The following IMPG2 variants were observed in gnomAD, a reference collection of about 807,000 sequenced individuals.
IMPG2 encodes interphotoreceptor matrix proteoglycan 2.
In IMPG2, 91 loss-of-function variants were observed where a neutral mutation model predicts 129.2. The observed-to-expected ratio is 0.70, with a 90% CI of 0.59 to 0.84. The LOEUF (loss-of-function observed/expected upper bound fraction) is 0.84. Among genes scored for constraint, IMPG2 ranks in the 40% least tolerant of loss-of-function variants. The pLI is 0.00. For missense variants in IMPG2, 1,430 were observed against 1,461.7 expected (o/e 0.98, Z 0.35); for synonymous variants, 510 against 517.7 (o/e 0.99, Z 0.20).
At position 101,269,510 on chromosome 3, in the gene IMPG2, T is replaced by C; in HGVS notation, c.887+5A>G. On this transcript the variant is annotated splice_donor_5th_base_variant and intron_variant, in intron 8 of 18. Transcript: ENST00000193391. ...AAATGTGCATATTTAGATAAGTCTATTTACCTAAATTCAAGTACACGAATT... is the reference window on the plus strand; with the variant it reads ...AAATGTGCATATTTAGATAAGTCTACTTACCTAAATTCAAGTACACGAATT... The C allele has an allele frequency of 6.6e-7, 1 of 1,522,660 alleles. No individual in the cohort carries two copies. The highest frequency in any genetic ancestry group is 9.1e-7 in the Non-Finnish European group (1 of 1,096,848). 94.3% of individuals were successfully genotyped at this position (1,522,660 alleles called of 1,614,324 possible). A position where few individuals can be genotyped will look rare whatever the true frequency, so the allele number is the denominator to read the frequency against.
In IMPG2 at chr3:101,244,746, C is replaced by A. The variant is rs1419691320; in HGVS notation, c.1585G>T (p.Asp529Tyr). Reference sequence around the variant, plus strand: ...GTGAATGAACTTGAAGGCAATGAATCAATAGAAAGAAAATCTTCTGACTCT... The same window carrying A: ...GTGAATGAACTTGAAGGCAATGAATAAATAGAAAGAAAATCTTCTGACTCT... The part of the protein sequence containing the change: ...VEESEDFLSI[D>Y]SLPSSSFTQP... Residue 529 changes from aspartate to tyrosine, a missense_variant, in exon 13 of 19, where the codon GAT becomes TAT. Transcript: ENST00000193391. 6.2e-7 allele frequency: 1 copy of A among 1,613,984 alleles called. No homozygotes were observed. The highest frequency in any genetic ancestry group is 1.1e-5 in the South Asian group (1 of 91,042).
chr3:101,254,831 AT>A (rs1368770176), intron 10 of IMPG2, among the ~76,000 whole-genome samples: 2 of 151,884 alleles, frequency 1.3e-5, no homozygotes, highest in Non-Finnish European at 2.9e-5. Flanking sequence ...ATGGGGGCAG[AT>A]TTCCTCCTTG....
intron 14 of IMPG2, among the ~76,000 whole-genome samples, chr3:101,235,280 G>A (rs1052394715): frequency 6.6e-6 from 1 of 152,168 alleles, no homozygotes; most frequent in Non-Finnish European, 1.5e-5. Context: ...GTGCATCTGT[G>A]TTTTGACTGC....
intron 11 of IMPG2, among the ~76,000 whole-genome samples, chr3:101,253,071 C>A (rs916988165): frequency 1.3e-5 from 2 of 151,924 alleles, no homozygotes; most frequent in Non-Finnish European, 2.9e-5. Flanking sequence ...AGTGAAGTGG[C>A]AAGTGGAGGT....
At chr3:101,239,161 A>G (rs1444252941) in intron 14 of IMPG2, among the ~76,000 whole-genome samples, 1 of 152,200 alleles carries the variant, frequency 6.6e-6, no homozygotes, top group Non-Finnish European at 1.5e-5. Flanking sequence ...CTACAGAATG[A>G]GAAAACATTT....
chr3:101,242,943 G>T (rs764542865), intron 13 of IMPG2, 36 bp from the exon 14 acceptor site: 5 of 1,556,546 alleles, frequency 3.2e-6, no homozygotes, highest in Non-Finnish European at 4.4e-6. Context: ...TATTGACAGC[G>T]TGTCACATTT....
chr3:101,313,435 C>G (rs896152868), intron 2 of IMPG2, among the ~76,000 whole-genome samples: 1 of 152,072 alleles, frequency 6.6e-6, no homozygotes, highest in Non-Finnish European at 1.5e-5. Context: ...CCATCCTTGT[C>G]AAATAAGGAT....
intron 3 of IMPG2, among the ~76,000 whole-genome samples, chr3:101,298,933 G>A (rs1403668979): frequency 6.6e-6 from 1 of 152,096 alleles, no homozygotes; most frequent in East Asian, 1.9e-4. Flanking sequence ...TCCTGAATTT[G>A]CATGTTGGCC....
chr3:101,314,581 C>T (rs188279801), intron 2 of IMPG2, among the ~76,000 whole-genome samples: 63 of 152,218 alleles, frequency 4.1e-4, no homozygotes, highest in Non-Finnish European at 2.9e-5. Context: ...TAACTTCTAT[C>T]ACCCCAGGCA....
chr3:101,301,202 A>G (rs1707136520), intron 3 of IMPG2, among the ~76,000 whole-genome samples: 1 of 152,206 alleles, frequency 6.6e-6, no homozygotes, highest in African/African-American at 2.4e-5. Flanking sequence ...TAGTTATTGT[A>G]ATTGTAATAA....
At chr3:101,310,486 G>A (rs757189662) in intron 2 of IMPG2, among the ~76,000 whole-genome samples, 9 of 150,942 alleles carry the variant, frequency 6.0e-5, no homozygotes, top group Non-Finnish European at 1.2e-4. Context: ...CTGAACCCAG[G>A]GAGATCGAGT....
intron 4 of IMPG2, among the ~76,000 whole-genome samples, chr3:101,282,117 G>A (rs1305551157): frequency 1.3e-5 from 2 of 152,158 alleles, no homozygotes; most frequent in African/African-American, 2.4e-5. Context: ...TTTGAATAGT[G>A]GAAATGGGAG....
chr3:101,246,042 G>C lies in IMPG2; in HGVS notation c.1303C>G (p.Leu435Val). The stretch of plus-strand genomic sequence containing the variant: ...GAGGGAGGACCAGAGCTGAAATCAA[G>C]TGGTGGAATACTGCTGGTGATGGAT... ...DESITSSIPP[L>V]DFSSGPPSAT... Residue 435 changes from leucine (L) to valine (V), a missense_variant, in exon 12 of 19, where the codon CTT becomes GTT. Physicochemically the swap from Leu to Val is conservative, Grantham distance 32. Coordinates refer to ENST00000193391, the MANE Select transcript of IMPG2 (RefSeq NM_016247.4). The C allele has an allele frequency of 1.2e-6, 2 of 1,613,990 alleles. No homozygotes were observed. The highest frequency in any genetic ancestry group is 2.2e-5 in the South Asian group (2 of 91,086).
chr3:101,251,156 A>T (rs561562758), intron 11 of IMPG2, among the ~76,000 whole-genome samples: 1 of 152,230 alleles, frequency 6.6e-6, no homozygotes, highest in Non-Finnish European at 1.5e-5. Context: ...GACAGAGCGC[A>T]TAACCTGGCA....
rs530783902 is a variant in IMPG2, at chr3:101,265,051, C to CA, written c.908+2459dup. Reference sequence around the variant, plus strand: ...CTGATGAAAGAAATTGAAAGGGATACAAAAAAATGGAAAAACATCCCATTC... The same window carrying CA: ...CTGATGAAAGAAATTGAAAGGGATACAAAAAAAATGGAAAAACATCCCATTC... On this transcript the variant is annotated intron_variant, in intron 9 of 18. Transcript: ENST00000193391. Among the ~76,000 whole-genome samples the CA allele has an allele frequency of 9.8e-4, 149 of 151,912 alleles. 2 individuals carry two copies. The highest frequency in any genetic ancestry group is 3.2e-3 in the African/African-American group (131 of 41,454).
chr3:101,229,497 C>T lies in IMPG2; in HGVS notation c.3516G>A (p.Lys1172=). 1 of 1,613,802 alleles carries T rather than the reference C, an allele frequency of 6.2e-7. No individual in the cohort carries two copies. Residue 1172 remains lysine (K), a synonymous_variant, in exon 17 of 19, where the codon AAG becomes AAA. Coordinates refer to ENST00000193391, the MANE Select transcript of IMPG2 (RefSeq NM_016247.4). ...GATGCTGAGGATAGGGTCCCTCATA[C>T]TTCTCACATCCAGCCCTGTGACTTT... ...VYESHRAGCE[K]YEGPYPQHPF...
At chr3:101,319,538 T>C in intron 2 of IMPG2, 46 bp downstream of exon 2, 1 of 1,607,774 alleles carries the variant, frequency 6.2e-7, no homozygotes, top group Non-Finnish European at 8.5e-7. Context: ...GATTAAACTA[T>C]GTTTGAATTT....
At chr3:101,257,405 T>C (rs1706622372) in intron 10 of IMPG2, 124 bp downstream of exon 10, 1 of 1,119,738 alleles carries the variant, frequency 8.9e-7, no homozygotes. Context: ...TCATATCAGG[T>C]TGGCTCCTGT....
intron 10 of IMPG2, 48 bp from the exon 11 acceptor site, chr3:101,253,829 G>T: frequency 7.7e-7 from 1 of 1,293,128 alleles, no homozygotes; most frequent in Non-Finnish European, 1.1e-6. Flanking sequence ...AGGCCCTATT[G>T]TATTTGAGGT....
Sources: allele counts gnomAD v4.1 joint callset (sites outside exome capture counted in the v4.1 genomes callset), GRCh38; gene constraint gnomAD v4.1.1; transcripts MANE v1.5; gene names NCBI Gene and HGNC (gene_info 2026-07-23, HGNC 2026-07-21).